The following PIN4 variants were observed in gnomAD, a reference collection of about 807,000 sequenced individuals.
PIN4 encodes the protein peptidylprolyl cis/trans isomerase, NIMA-interacting 4.
Under a neutral mutation model 8.3 loss-of-function variants are expected in PIN4, and 3 were observed. The ratio of observed to expected loss-of-function variants is 0.36; its 90% CI spans 0.16 to 0.93. The LOEUF is 0.93. Among genes scored for constraint, PIN4 ranks in the 40% least tolerant of loss-of-function variants. PIN4 has a pLI of 0.44. For synonymous variants in PIN4, 18 were observed against 32.5 expected, an observed-to-expected ratio of 0.55 and a Z score of 1.52; for missense variants, 75 against 100.6, an observed-to-expected ratio of 0.75 and a Z score of 1.09.
chrX:72,208,459 C>T, intron 3 of PIN4: 1 of 1,211,600 alleles, frequency 8.3e-7, no homozygotes, highest in Non-Finnish European at 1.1e-6. Flanking sequence ...GAAAGCTATG[C>T]CTTCCTTCTG....
intron 3 of PIN4, among the ~76,000 whole-genome samples, chrX:72,253,654 C>T (rs779566131): frequency 4.7e-5 from 5 of 106,541 alleles, no homozygotes; most frequent in Admixed American, 1.0e-4. Context: ...AGAAAATCAA[C>T]GCGGGGCGTG....
intron 3 of PIN4, among the ~76,000 whole-genome samples, chrX:72,228,024 T>C (rs2042963027): frequency 8.9e-6 from 1 of 112,454 alleles, no homozygotes; most frequent in Admixed American, 9.4e-5. Context: ...TTTCTCAGCA[T>C]TCCACAAGTT....
intron 3 of PIN4, among the ~76,000 whole-genome samples, chrX:72,220,704 A>T (rs952084063): frequency 7.2e-5 from 8 of 110,894 alleles, no homozygotes; most frequent in African/African-American, 2.6e-4. Flanking sequence ...TCCCTCACAC[A>T]GAAACATTCT....
chrX:72,241,774 C>T (rs1303510300), intron 3 of PIN4, among the ~76,000 whole-genome samples: 2 of 110,208 alleles, frequency 1.8e-5, no homozygotes, highest in African/African-American at 6.7e-5. Flanking sequence ...CAAGATCACG[C>T]CATTGGCACT....
downstream of PIN4, among the ~76,000 whole-genome samples, chrX:72,199,767 G>A (rs911782209): frequency 2.8e-5 from 3 of 108,199 alleles, no homozygotes; most frequent in African/African-American, 1.0e-4. Context: ...TATGGAGAGA[G>A]AGCAGTTATA....
intron 3 of PIN4, chrX:72,205,591 A>C: frequency 8.3e-7 from 1 of 1,211,220 alleles, no homozygotes; most frequent in Non-Finnish European, 1.1e-6. Flanking sequence ...TGAAGCATCA[A>C]ATTGTTTCAC....
chrX:72,185,266 G>A (rs1421657977), intron 1 of PIN4, among the ~76,000 whole-genome samples: 1 of 109,986 alleles, frequency 9.1e-6, no homozygotes, highest in Admixed American at 9.7e-5. Context: ...CCTCCCTCAG[G>A]CAGGCTCATC....
intron 2 of PIN4, among the ~76,000 whole-genome samples, chrX:72,191,103 A>C (rs1266597405): frequency 9.1e-6 from 1 of 109,955 alleles, no homozygotes; most frequent in Non-Finnish European, 1.9e-5. Flanking sequence ...GTAGCCATCC[A>C]CCACCCCACT....
intron 2 of PIN4, among the ~76,000 whole-genome samples, chrX:72,193,872 CAAAA>C (rs757224920): frequency 2.1e-5 from 1 of 47,467 alleles, no homozygotes. Flanking sequence ...GACTTCATCT[CAAAA>C]AAAAAAAAAA....
chrX:72,185,987 T>C (rs1217018273), intron 1 of PIN4, among the ~76,000 whole-genome samples: 4 of 111,807 alleles, frequency 3.6e-5, no homozygotes, highest in Non-Finnish European at 7.5e-5. Context: ...TCCGGAGCTT[T>C]CATTCACCTA....
At chrX:72,218,714 C>T (rs750723635) in intron 3 of PIN4, among the ~76,000 whole-genome samples, 1 of 110,894 alleles carries the variant, frequency 9.0e-6, no homozygotes, top group Non-Finnish European at 1.9e-5. Context: ...GGGCTGGTAG[C>T]TCATCAATTT....
intron 3 of PIN4, among the ~76,000 whole-genome samples, chrX:72,227,994 T>C (rs188732688): frequency 9.0e-6 from 1 of 111,688 alleles, no homozygotes; most frequent in African/African-American, 3.2e-5. Flanking sequence ...TCCTCTTCCT[T>C]ATTTGAAGGT....
At chrX:72,200,500 CT>C (rs1315917190), downstream of PIN4, among the ~76,000 whole-genome samples, 1 of 111,490 alleles carries the variant, frequency 9.0e-6, no homozygotes, top group African/African-American at 3.3e-5. Context: ...TAAATATACC[CT>C]TTGACCCAGC....
chrX:72,181,719 G>A, upstream of PIN4: 1 of 1,108,200 alleles, frequency 9.0e-7, no homozygotes. Context: ...ACATGCCCAT[G>A]GCGGGGCTTC....
chrX:72,229,101 C>A (rs1362969501), intron 3 of PIN4, among the ~76,000 whole-genome samples: 1 of 111,563 alleles, frequency 9.0e-6, no homozygotes, highest in Non-Finnish European at 1.9e-5. Flanking sequence ...ACGCCTCAAG[C>A]CTCAAGACTC....
chrX:72,195,426 T>G (rs980511010), intron 2 of PIN4, among the ~76,000 whole-genome samples: 8 of 111,229 alleles, frequency 7.2e-5, no homozygotes, highest in Non-Finnish European at 1.5e-4. Context: ...CAGATCACTT[T>G]AGGCCAGGAA....
At chrX:72,261,338 C>T (rs1287443040) in intron 3 of PIN4, among the ~76,000 whole-genome samples, 1 of 109,547 alleles carries the variant, frequency 9.1e-6, no homozygotes, top group East Asian at 2.8e-4. Context: ...TGTCGACCCC[C>T]CTGTCCAGAA....
downstream of PIN4, chrX:72,198,390 A>G: frequency 1.5e-6 from 1 of 674,187 alleles, no homozygotes; most frequent in Non-Finnish European, 1.8e-6. Flanking sequence ...TCTCTCCCTC[A>G]GCTGCATTTG....
At chrX:72,194,291 T>C (rs914558555) in intron 2 of PIN4, among the ~76,000 whole-genome samples, 1 of 111,334 alleles carries the variant, frequency 9.0e-6, no homozygotes, top group Non-Finnish European at 1.9e-5. Context: ...TCCCAGCACT[T>C]TGGGAGGCCA....
Sources: allele counts gnomAD v4.1 joint callset (sites outside exome capture counted in the v4.1 genomes callset), GRCh38; gene constraint gnomAD v4.1.1; transcripts MANE v1.5; gene names NCBI Gene and HGNC (gene_info 2026-07-23, HGNC 2026-07-21).